Variants in LGR4 observed in about 807,000 individuals in gnomAD.
The protein encoded by LGR4 is leucine rich repeat containing G protein-coupled receptor 4, also known as leucine-rich repeat-containing G protein-coupled receptor 4.
Under a neutral mutation model 84.8 loss-of-function variants are expected in LGR4, and 44 were observed. That is an observed-to-expected ratio of 0.52 (90% CI 0.41 to 0.67). The LOEUF is 0.67. Among genes scored for constraint, LGR4 ranks in the 30% least tolerant of loss-of-function variants. The pLI, the probability that LGR4 is intolerant of heterozygous loss-of-function variation, is 0.00. For missense variants in LGR4, 1,032 were observed against 1,131.4 expected, an observed-to-expected ratio of 0.91 and a Z score of 1.26; for synonymous variants, 429 against 434.3, an observed-to-expected ratio of 0.99 and a Z score of 0.15.
chr11:27,424,812 G>A lies in LGR4; in HGVS notation c.186-11952C>T, dbSNP rs534970342. 1.4e-4 allele frequency among the ~76,000 whole-genome samples: 22 copies of A among 152,228 alleles called. No individual in the cohort carries two copies. The South Asian group carries it at 4.4e-3, about 30-fold the overall frequency. On this transcript the variant is annotated intron_variant, in intron 1 of 17. Transcript: ENST00000379214. Reference sequence around the variant, plus strand: ...CACCCAGGCTGGAGTGCAATGGCGCGATCTCAGCTCCCTGCAGCCTCTGCC... The same window carrying A: ...CACCCAGGCTGGAGTGCAATGGCGCAATCTCAGCTCCCTGCAGCCTCTGCC...
chr11:27,383,504 A>G (rs1456297563), intron 6 of LGR4, among the ~76,000 whole-genome samples: 1 of 152,200 alleles, frequency 6.6e-6, no homozygotes, highest in Non-Finnish European at 1.5e-5. Flanking sequence ...ACTTTCATAT[A>G]TCCATTGATG....
At chr11:27,376,237 A>G in intron 13 of LGR4, 62 bp downstream of exon 13, 1 of 930,880 alleles carries the variant, frequency 1.1e-6, no homozygotes. Flanking sequence ...TGGAAATCAT[A>G]ACAACATATT....
chr11:27,416,784 G>A (rs1189822411), intron 1 of LGR4, among the ~76,000 whole-genome samples: 7 of 152,154 alleles, frequency 4.6e-5, no homozygotes, highest in African/African-American at 1.7e-4. Flanking sequence ...AGCAGTCATT[G>A]ATTTCAAAAT....
At chr11:27,423,440 T>C (rs1009058771) in intron 1 of LGR4, among the ~76,000 whole-genome samples, 1 of 152,072 alleles carries the variant, frequency 6.6e-6, no homozygotes, top group East Asian at 1.9e-4. Flanking sequence ...CCCAAACACA[T>C]ACCCCACACA....
At chr11:27,379,257 C>A (rs1335168210) in intron 10 of LGR4, 1 of 158,826 alleles carries the variant, frequency 6.3e-6, no homozygotes, top group Non-Finnish European at 1.4e-5. Context: ...GCATCTAATT[C>A]TTTCAGAAAA....
intron 2 of LGR4, among the ~76,000 whole-genome samples, chr11:27,400,397 C>A (rs967616258): frequency 7.2e-5 from 11 of 152,006 alleles, no homozygotes; most frequent in African/African-American, 2.7e-4. Context: ...CGTGCCTTCT[C>A]CAAAGACCTA....
chr11:27,419,027 C>T (rs536932603), intron 1 of LGR4, among the ~76,000 whole-genome samples: 1 of 151,994 alleles, frequency 6.6e-6, no homozygotes, highest in East Asian at 1.9e-4. Flanking sequence ...TTGTAGAGAC[C>T]AGGTTTCACT....
chr11:27,392,665 G>T, intron 2 of LGR4, 147 bp from the exon 3 acceptor site: 1 of 648,738 alleles, frequency 1.5e-6, no homozygotes, highest in Non-Finnish European at 2.5e-6. Context: ...TTAAACCCTT[G>T]CTAAAATGAT....
chr11:27,448,295 CT>C (rs67906701), intron 1 of LGR4, among the ~76,000 whole-genome samples: 73 of 142,616 alleles, frequency 5.1e-4, no homozygotes, highest in African/African-American at 5.2e-4. Flanking sequence ...TTTTTCTTTT[CT>C]TTTTTTTTTT....
rs1013910232 is a variant in LGR4, at chr11:27,378,898, T to A, written c.972-130A>T. 3 of 629,674 alleles carry A rather than the reference T, an allele frequency of 4.8e-6. No individual in the cohort carries two copies. The Admixed American group carries it at 9.4e-5, about 20-fold the overall frequency. 39.0% of individuals were successfully genotyped at this position (629,674 alleles called of 1,614,324 possible). A position where few individuals can be genotyped will look rare whatever the true frequency, so the allele number is the denominator to read the frequency against. ...TTCTATACATCCCATGGCCTAATTA[T>A]TCCATAAAGTTAGACATGCAAGAAG... On this transcript the variant is annotated intron_variant, in intron 10 of 17. Transcript: ENST00000379214.
chr11:27,457,544 A>G (rs979818408), intron 1 of LGR4, among the ~76,000 whole-genome samples: 2 of 152,210 alleles, frequency 1.3e-5, no homozygotes, highest in African/African-American at 4.8e-5. Flanking sequence ...CTAACAATAT[A>G]TTGTGACTAT....
At chr11:27,400,975 A>T (rs1331478078) in intron 2 of LGR4, among the ~76,000 whole-genome samples, 1 of 152,202 alleles carries the variant, frequency 6.6e-6, no homozygotes, top group Non-Finnish European at 1.5e-5. Context: ...TCAACTAATG[A>T]TGTACTACCC....
chr11:27,379,786 C>T (rs575569106), intron 10 of LGR4, among the ~76,000 whole-genome samples: 5 of 152,304 alleles, frequency 3.3e-5, no homozygotes, highest in Admixed American at 2.0e-4. Flanking sequence ...AACAATTCTC[C>T]GATTTCTCCA....
intron 17 of LGR4, among the ~76,000 whole-genome samples, chr11:27,370,272 ATTT>A (rs559147421): frequency 1.5e-3 from 224 of 152,346 alleles, no homozygotes; most frequent in African/African-American, 4.0e-3. Context: ...AGAAACTCTT[ATTT>A]TAAATTTCCT....
intron 1 of LGR4, among the ~76,000 whole-genome samples, chr11:27,440,168 A>G (rs1864281440): frequency 6.6e-6 from 1 of 152,078 alleles, no homozygotes; most frequent in Non-Finnish European, 1.5e-5. Context: ...GGCCTCCTAA[A>G]GTACTGGGAT....
chr11:27,381,879 C>T (rs1273482889), intron 7 of LGR4, among the ~76,000 whole-genome samples: 1 of 152,170 alleles, frequency 6.6e-6, no homozygotes, highest in East Asian at 1.9e-4. Flanking sequence ...GCATTTATTT[C>T]TACCTAGAAA....
At chr11:27,385,616 A>G in intron 4 of LGR4, 148 bp from the exon 5 acceptor site, 2 of 564,856 alleles carry the variant, frequency 3.5e-6, no homozygotes, top group Non-Finnish European at 6.2e-6. Context: ...ACATCTAATA[A>G]CTTTTTCATG....
chr11:27,444,825 T>G (rs1864360532), intron 1 of LGR4, among the ~76,000 whole-genome samples: 1 of 152,206 alleles, frequency 6.6e-6, no homozygotes, highest in African/African-American at 2.4e-5. Context: ...GCCCATAATT[T>G]GTTCTTCCCT....
At chr11:27,439,899 C>CT (rs1565094286) in intron 1 of LGR4, among the ~76,000 whole-genome samples, 2 of 139,386 alleles carry the variant, frequency 1.4e-5, no homozygotes, top group Non-Finnish European at 1.5e-5. Context: ...GGTAGGATTT[C>CT]TCTTTTTTTT....
Sources: allele counts gnomAD v4.1 joint callset (sites outside exome capture counted in the v4.1 genomes callset), GRCh38; gene constraint gnomAD v4.1.1; transcripts MANE v1.5; gene names NCBI Gene and HGNC (gene_info 2026-07-23, HGNC 2026-07-21).